The following CCDC32 variants were observed in gnomAD, a reference collection of about 807,000 sequenced individuals.
The protein encoded by CCDC32 is coiled-coil domain containing 32.
Under a neutral mutation model 20.1 loss-of-function variants are expected in CCDC32, and 9 were observed. That is an observed-to-expected ratio of 0.45 (90% CI 0.27 to 0.78). The LOEUF is 0.78. CCDC32 is among the 30% of genes least tolerant of loss of function. CCDC32 has a pLI of 0.16. For missense variants in CCDC32, 204 were observed against 215.5 expected (o/e 0.95, Z 0.33); for synonymous variants, 63 against 79.0 (o/e 0.80, Z 1.07).
At position 40,553,116 on chromosome 15, in the gene CCDC32, T is replaced by G. The variant is rs1220147792; in HGVS notation, c.*855A>C. ...CACTGCTATTCCGTTGAGAAAAGTTTTATATGGAAACACATACTGATCATG... is the reference window on the plus strand; with the variant it reads ...CACTGCTATTCCGTTGAGAAAAGTTGTATATGGAAACACATACTGATCATG... On this transcript the variant is annotated 3_prime_UTR_variant, in exon 4 of 4. Coordinates refer to ENST00000416810, the MANE Select transcript of CCDC32 (RefSeq NM_001080792.4). The G allele has an allele frequency of 2.0e-6, 2 of 985,258 alleles. No homozygotes were observed. The highest frequency in any genetic ancestry group is 2.4e-6 in the Non-Finnish European group (2 of 829,916). 61.0% of individuals were successfully genotyped at this position (985,258 alleles called of 1,614,324 possible). A position where few individuals can be genotyped will look rare whatever the true frequency, so the allele number is the denominator to read the frequency against.
At chr15:40,554,259 A>C (rs937114048) in intron 3 of CCDC32, 132 bp from the exon 4 acceptor site, 1 of 1,298,330 alleles carries the variant, frequency 7.7e-7, no homozygotes, top group Non-Finnish European at 1.0e-6. Flanking sequence ...TTTCACTGCT[A>C]AACTGGGAAG....
In CCDC32 at chr15:40,553,382, A is replaced by ATTGT. The variant is rs1889999960; in HGVS notation, c.*588_*589insACAA. The stretch of plus-strand genomic sequence containing the variant: ...ACTTCTTTTGCCCATTTGTTCCACA[A>ATTGT]GGAACAAATGAGAGAAAGAAGCCCA... On this transcript the variant is annotated 3_prime_UTR_variant, in exon 4 of 4. Coordinates refer to ENST00000416810, the MANE Select transcript of CCDC32 (RefSeq NM_001080792.4). 2.0e-6 allele frequency: 2 copies of ATTGT among 983,594 alleles called. No homozygotes were observed. Among genetic ancestry groups the ATTGT allele is most frequent in the African/African-American group, 1.7e-5 (1 of 57,198 alleles). The allele number at this position is 983,594 out of a possible 1,614,324, so 60.9% of individuals were successfully genotyped here.
intron 2 of CCDC32, chr15:40,562,145 A>G (rs1890685122): frequency 6.6e-6 from 1 of 151,544 alleles, no homozygotes; most frequent in Admixed American, 6.6e-5. Flanking sequence ...GCAGGATGGC[A>G]TAAGGTTTAA....
At chr15:40,533,691 G>A (rs975200530), downstream of CCDC32, among the ~76,000 whole-genome samples, 1 of 152,068 alleles carries the variant, frequency 6.6e-6, no homozygotes, top group African/African-American at 2.4e-5. Flanking sequence ...TTTAAAAAAG[G>A]ATACACATAA....
At chr15:40,529,550 T>C (rs1278767766) in intron 3 of CCDC32, 2 of 152,188 alleles carry the variant, frequency 1.3e-5, no homozygotes, top group African/African-American at 2.4e-5. Flanking sequence ...AGTTTGAAAT[T>C]GTATCAAAAT....
downstream of CCDC32, among the ~76,000 whole-genome samples, chr15:40,528,163 A>G (rs569391083): frequency 6.6e-6 from 1 of 152,252 alleles, no homozygotes; most frequent in Non-Finnish European, 1.5e-5. Context: ...GGCCGCTCTC[A>G]TGGGGAAGAT....
chr15:40,542,704 TA>T (rs1339006391), intron 3 of CCDC32, among the ~76,000 whole-genome samples: 1 of 151,546 alleles, frequency 6.6e-6, no homozygotes, highest in African/African-American at 2.4e-5. Flanking sequence ...CCGTCTCTAC[TA>T]AAAAATACAA....
At chr15:40,552,563 A>G (rs925395002), downstream of CCDC32, among the ~76,000 whole-genome samples, 7 of 151,610 alleles carry the variant, frequency 4.6e-5, no homozygotes, top group Non-Finnish European at 1.0e-4. Flanking sequence ...AGTATATGGA[A>G]CCACCTAATT....
chr15:40,532,452 G>C (rs1888914752), downstream of CCDC32: 1 of 572,686 alleles, frequency 1.7e-6, no homozygotes, highest in Non-Finnish European at 3.1e-6. Context: ...TATGAAAAAA[G>C]ATGCTTCAAA....
At chr15:40,528,670 G>A (rs548115549), downstream of CCDC32, 37 of 671,824 alleles carry the variant, frequency 5.5e-5, no homozygotes, top group Non-Finnish European at 8.2e-5. Context: ...TGGTGATGAC[G>A]GAGGTGGGTT....
downstream of CCDC32, among the ~76,000 whole-genome samples, chr15:40,548,780 T>G (rs1029258682): frequency 3.9e-5 from 6 of 152,258 alleles, no homozygotes; most frequent in African/African-American, 1.4e-4. Context: ...TTTCATGACC[T>G]TGCCTCAGAA....
downstream of CCDC32, chr15:40,532,303 C>T (rs1396320404): frequency 1.4e-6 from 1 of 702,842 alleles, no homozygotes; most frequent in East Asian, 2.7e-5. Flanking sequence ...TTGTAGTCAC[C>T]TGGAAAAGAA....
chr15:40,561,484 AC>A (rs1426595753), intron 2 of CCDC32, among the ~76,000 whole-genome samples: 1 of 151,048 alleles, frequency 6.6e-6, no homozygotes, highest in African/African-American at 2.5e-5. Flanking sequence ...AAAAAAAAAA[AC>A]AAAACAACAA....
intron 3 of CCDC32, among the ~76,000 whole-genome samples, chr15:40,544,281 A>G (rs748898888): frequency 6.6e-5 from 10 of 152,116 alleles, no homozygotes; most frequent in Non-Finnish European, 1.3e-4. Context: ...TAGGGCAATC[A>G]TAGCTCACTG....
downstream of CCDC32, among the ~76,000 whole-genome samples, chr15:40,551,450 T>G (rs941655349): frequency 1.4e-4 from 21 of 151,902 alleles, no homozygotes. Context: ...GCATCTGAAC[T>G]CCAGGTGGAG....
chr15:40,539,607 A>G (rs1024122180), intron 3 of CCDC32, among the ~76,000 whole-genome samples: 1 of 152,198 alleles, frequency 6.6e-6, no homozygotes, highest in Non-Finnish European at 1.5e-5. Context: ...CCACAGCAAG[A>G]GGCCAGGCAG....
chr15:40,545,450 CAGTT>C (rs754500057), intron 3 of CCDC32, among the ~76,000 whole-genome samples: 5 of 118,736 alleles, frequency 4.2e-5, no homozygotes, highest in East Asian at 2.5e-4. Context: ...AGGAGAGAGT[CAGTT>C]TGTTTGGGAA....
chr15:40,564,662 GGACAGCTAT>G, intron 1 of CCDC32: 1 of 1,520,090 alleles, frequency 6.6e-7, no homozygotes, highest in Non-Finnish European at 9.1e-7. Flanking sequence ...GAAGTAAAAG[GGACAGCTAT>G]GACACGGCGG....
downstream of CCDC32, among the ~76,000 whole-genome samples, chr15:40,525,365 G>A (rs1186227532): frequency 6.6e-6 from 1 of 151,552 alleles, no homozygotes; most frequent in Non-Finnish European, 1.5e-5. Context: ...GTTTCACTAT[G>A]TTGGCCAGGC....
Sources: allele counts gnomAD v4.1 joint callset (sites outside exome capture counted in the v4.1 genomes callset), GRCh38; gene constraint gnomAD v4.1.1; transcripts MANE v1.5; gene names NCBI Gene and HGNC (gene_info 2026-07-23, HGNC 2026-07-21).